Variants in USP54 observed in about 807,000 individuals in gnomAD.
The protein encoded by USP54 is ubiquitin carboxyl-terminal hydrolase 54.
A neutral mutation model predicts 170.5 loss-of-function variants in USP54; 87 were observed. The ratio of observed to expected loss-of-function variants is 0.51; its 90% CI spans 0.43 to 0.61. The LOEUF (loss-of-function observed/expected upper bound fraction) is 0.61. USP54 is among the 20% of genes least tolerant of loss of function. USP54 has a pLI of 0.00. For synonymous variants in USP54, 655 were observed against 742.8 expected, an observed-to-expected ratio of 0.88 and a Z score of 1.92; for missense variants, 1,786 against 2,047.8, an observed-to-expected ratio of 0.87 and a Z score of 2.47.
At chr10:73,625,787 C>T (rs1252810850), upstream of USP54, 1 of 152,326 alleles carries the variant, frequency 6.6e-6, no homozygotes, top group Non-Finnish European at 1.5e-5. Context: ...GGCGCCGCGT[C>T]CCTGTACCCA....
In USP54 at chr10:73,499,052, G is replaced by C. The variant is rs776807444; in HGVS notation, c.4632C>G (p.Pro1544=). The C allele has an allele frequency of 6.2e-7, 1 of 1,614,060 alleles. No individual in the cohort carries two copies. Among genetic ancestry groups the C allele is most frequent in the East Asian group, 2.2e-5 (1 of 44,890 alleles). The change falls in exon 24 of 24, where the codon CCC becomes CCG. Residue 1544 remains proline (P), a synonymous_variant. Transcript: ENST00000687698. ...CAATATGCTGGTTGGTCTCTGACCA[G>C]GGTGCCCAGGAGTTGTCTGTTCTGG... ...HRSRTDNSWA[P]WSETNQHIGT... is the part of the protein sequence containing the mutation.
intron 1 of USP54, among the ~76,000 whole-genome samples, chr10:73,576,702 C>T (rs2076160558): frequency 1.3e-5 from 2 of 152,320 alleles, no homozygotes; most frequent in African/African-American, 4.8e-5. Flanking sequence ...CACACACAAA[C>T]TAGGAACTGA....
In USP54 at chr10:73,520,012, A is replaced by T; in HGVS notation, c.2483-20T>A. ...GTTTAGCTAAAATGCAAAAGAAAAT[A>T]TAGCAGAAACAGAACACAAAACACA... On this transcript the variant is annotated intron_variant, in intron 18 of 23. Coordinates refer to ENST00000687698, the MANE Select transcript of USP54 (RefSeq NM_001391956.1). 6.4e-7 allele frequency: 1 copy of T among 1,572,186 alleles called. No individual in the cohort carries two copies. The highest frequency in any genetic ancestry group is 8.6e-7 in the Non-Finnish European group (1 of 1,157,406).
At chr10:73,528,537 T>G (rs1473538205) in intron 15 of USP54, among the ~76,000 whole-genome samples, 1 of 151,794 alleles carries the variant, frequency 6.6e-6, no homozygotes, top group African/African-American at 2.4e-5. Context: ...ATTACAAGCG[T>G]GAGCTACTGC....
At position 73,498,761 on chromosome 10, in the gene USP54, G is replaced by A; in HGVS notation, c.4923C>T (p.Asp1641=). Residue 1641 remains aspartate (D), a synonymous_variant, in exon 24 of 24, where the codon GAC becomes GAT. Transcript: ENST00000687698. ...GGGAGGCATAACTGCTTTGCCTCCA[G>A]TCATCATCTGGGGGCATATCTACTC... The part of the protein sequence containing the change: ...PRRVDMPPDD[D]WRQSSYASHS... The A allele has an allele frequency of 6.2e-7, 1 of 1,613,944 alleles. No individual in the cohort carries two copies.
chr10:73,506,890 G>C (rs2059224842), intron 20 of USP54: 1 of 151,848 alleles, frequency 6.6e-6, no homozygotes, highest in Admixed American at 6.6e-5. Context: ...ATCCTGAGAA[G>C]AAGAAGAAAA....
chr10:73,542,714 G>A lies in USP54; in HGVS notation c.572+89C>T, dbSNP rs931494058. The A allele has an allele frequency of 3.7e-6, 5 of 1,340,040 alleles. No individual in the cohort carries two copies. In the Admixed American group the frequency reaches 5.9e-5, roughly 16 times the overall value. 83.0% of individuals were successfully genotyped at this position (1,340,040 alleles called of 1,614,324 possible). A position where few individuals can be genotyped will look rare whatever the true frequency, so the allele number is the denominator to read the frequency against. On this transcript the variant is annotated intron_variant, in intron 7 of 23. Coordinates refer to ENST00000687698, the MANE Select transcript of USP54 (RefSeq NM_001391956.1). ...CCACTGCACTGCAGCCTGGGCAACA[G>A]AGCGAGACTCTGTCTCAAAAAAAAA...
At chr10:73,571,308 G>A (rs1388743216) in intron 4 of USP54, 113 bp downstream of exon 4, 3 of 865,398 alleles carry the variant, frequency 3.5e-6, no homozygotes, top group Admixed American at 2.3e-5. Context: ...TAAACCACAG[G>A]TAGATAATTC....
chr10:73,619,882 T>C (rs2080948257), intron 1 of USP54, among the ~76,000 whole-genome samples: 1 of 150,670 alleles, frequency 6.6e-6, no homozygotes, highest in South Asian at 2.1e-4. Context: ...TTTCCCAAAA[T>C]TAGCTGAGGG....
chr10:73,544,291 G>A (rs752743263), intron 5 of USP54, among the ~76,000 whole-genome samples: 22 of 152,196 alleles, frequency 1.4e-4, no homozygotes, highest in Non-Finnish European at 2.6e-4. Flanking sequence ...TGTCCAAGTT[G>A]TGTAAATCAA....
At chr10:73,544,459 A>G (rs919345414) in intron 5 of USP54, among the ~76,000 whole-genome samples, 1 of 152,224 alleles carries the variant, frequency 6.6e-6, no homozygotes, top group Non-Finnish European at 1.5e-5. Flanking sequence ...TTCTATGAAC[A>G]TTCATAAACA....
rs891276684 is a variant in USP54, at chr10:73,615,515, T to G, written c.-18+10052A>C. 6.5e-4 allele frequency among the ~76,000 whole-genome samples: 98 copies of G among 150,586 alleles called. 10 individuals carry two copies. Among genetic ancestry groups the G allele is most frequent in the African/African-American group, 2.4e-3 (95 of 39,948 alleles). On this transcript the variant is annotated intron_variant, in intron 1 of 22. Transcript: ENST00000339859. ...AAATAATGAATGCTGAGAGGATGAATTCCCCATTTTACATGATTTGATTAT... is the reference window on the plus strand; with the variant it reads ...AAATAATGAATGCTGAGAGGATGAAGTCCCCATTTTACATGATTTGATTAT...
At chr10:73,573,003 G>A (rs991341217) in intron 3 of USP54, among the ~76,000 whole-genome samples, 3 of 152,156 alleles carry the variant, frequency 2.0e-5, no homozygotes, top group African/African-American at 7.2e-5. Flanking sequence ...CTAATATGTG[G>A]CCAGGTGTGG....
chr10:73,601,767 T>C (rs755261024), intron 1 of USP54, among the ~76,000 whole-genome samples: 2 of 152,176 alleles, frequency 1.3e-5, no homozygotes, highest in Non-Finnish European at 2.9e-5. Flanking sequence ...AGTCTTTCCT[T>C]ATACATGCCT....
Position 73,543,036 on chromosome 10 carries a change from T to C in USP54, c.471A>G (p.Ala157=). The change falls in exon 6 of 24, where the codon GCA becomes GCG. Residue 157 remains alanine (A), a synonymous_variant. Coordinates refer to ENST00000687698, the MANE Select transcript of USP54 (RefSeq NM_001391956.1). ...AGTTCACCTGCTCAAACAATGTCAT[T>C]GCAAATTTCTGATGGGAAATGCAGT... The part of the protein sequence containing the change: ...AQHCISHQKF[A]MTLFEQCVCT... 1 of 1,614,128 alleles carries C rather than the reference T, an allele frequency of 6.2e-7. No individual in the cohort carries two copies. The highest frequency in any genetic ancestry group is 8.5e-7 in the Non-Finnish European group (1 of 1,179,954).
intron 4 of USP54, 91 bp downstream of exon 4, chr10:73,571,330 C>A (rs1217625469): frequency 6.7e-6 from 7 of 1,049,782 alleles, no homozygotes; most frequent in Middle Eastern, 2.1e-4. Flanking sequence ...GTAACAAATT[C>A]TTTGGCATCA....
intron 1 of USP54, among the ~76,000 whole-genome samples, chr10:73,600,625 T>C (rs557052980): frequency 1.3e-5 from 2 of 152,214 alleles, no homozygotes; most frequent in African/African-American, 4.8e-5. Context: ...AAAAACTACC[T>C]ATCAGGGGCC....
intron 19 of USP54, 61 bp downstream of exon 19, chr10:73,519,736 G>T (rs1213167749): frequency 6.2e-7 from 1 of 1,605,692 alleles, no homozygotes; most frequent in Non-Finnish European, 8.5e-7. Flanking sequence ...TCTTGCTACA[G>T]AATACTCATG....
chr10:73,573,986 C>A (rs1336160097), intron 3 of USP54, among the ~76,000 whole-genome samples: 1 of 152,198 alleles, frequency 6.6e-6, no homozygotes, highest in Non-Finnish European at 1.5e-5. Flanking sequence ...CATAGCAACC[C>A]ATTTTCTCAT....
Sources: gnomAD v4.1 joint callset for allele counts (sites outside exome capture counted in the v4.1 genomes callset) on GRCh38, gnomAD v4.1.1 for gene constraint, MANE v1.5 for transcripts, NCBI Gene and HGNC (gene_info 2026-07-23, HGNC 2026-07-21) for gene names.